XIRP2: variants seen among roughly 807,000 people sequenced by gnomAD.
XIRP2 encodes the protein xin actin binding repeat containing 2, also known as xin actin-binding repeat-containing protein 2.
Under a neutral mutation model 277.0 loss-of-function variants are expected in XIRP2, and 236 were observed. That is an observed-to-expected ratio of 0.85 (90% CI 0.77 to 0.95). The LOEUF is 0.95. XIRP2 is among the 40% of genes least tolerant of loss of function. The pLI, the probability that XIRP2 is intolerant of heterozygous loss-of-function variation, is 0.00. For synonymous variants in XIRP2, 1,490 were observed against 1,416.5 expected, an observed-to-expected ratio of 1.05 and a Z score of -1.17; for missense variants, 4,640 against 4,157.5, an observed-to-expected ratio of 1.12 and a Z score of -3.19.
chr2:167,010,218 C>A (rs575515982), intron 2 of XIRP2, among the ~76,000 whole-genome samples: 1 of 152,136 alleles, frequency 6.6e-6, no homozygotes, highest in Admixed American at 6.6e-5. Context: ...ACGTTAAAGT[C>A]TTTAATCCAT....
At chr2:167,007,990 C>A (rs1383323948) in intron 2 of XIRP2, among the ~76,000 whole-genome samples, 2 of 151,420 alleles carry the variant, frequency 1.3e-5, no homozygotes, top group Admixed American at 1.3e-4. Context: ...TAAGTATTCA[C>A]TTTGTGCCTA....
At chr2:167,128,515 A>G (rs1482353691) in intron 2 of XIRP2, among the ~76,000 whole-genome samples, 1 of 152,150 alleles carries the variant, frequency 6.6e-6, no homozygotes, top group Non-Finnish European at 1.5e-5. Flanking sequence ...AGGGCTCACT[A>G]TGAGACTTGA....
chr2:167,135,109 A>G lies in XIRP2; in HGVS notation c.409-800A>G, dbSNP rs189559059. On this transcript the variant is annotated intron_variant, in intron 2 of 10. Transcript: ENST00000409195. Reference sequence around the variant, plus strand: ...TGTAGCTGTTGAAAACATTTTCAACATATTACTTGACATATTTAAAACTAG... The same window carrying G: ...TGTAGCTGTTGAAAACATTTTCAACGTATTACTTGACATATTTAAAACTAG... Among the ~76,000 whole-genome samples, 765 of 152,282 alleles carry G rather than the reference A, an allele frequency of 5.0e-3. 4 individuals carry two copies. Among genetic ancestry groups the G allele is most frequent in the Non-Finnish European group, 8.8e-3 (598 of 68,010 alleles).
intron 2 of XIRP2, among the ~76,000 whole-genome samples, chr2:167,079,316 A>G (rs1312064186): frequency 2.0e-5 from 3 of 152,114 alleles, no homozygotes; most frequent in African/African-American, 7.2e-5. Flanking sequence ...TGTGTTTACC[A>G]TATTTTGGTA....
intron 2 of XIRP2, among the ~76,000 whole-genome samples, chr2:167,031,968 G>A (rs1477185004): frequency 1.3e-5 from 2 of 151,976 alleles, no homozygotes; most frequent in African/African-American, 4.8e-5. Context: ...AATTTCATAT[G>A]GAAACAAAAA....
intron 2 of XIRP2, among the ~76,000 whole-genome samples, chr2:167,083,720 T>A (rs1413332454): frequency 6.6e-6 from 1 of 152,220 alleles, no homozygotes; most frequent in Non-Finnish European, 1.5e-5. Context: ...TGAATGGCAG[T>A]TCACTCATGA....
intron 2 of XIRP2, among the ~76,000 whole-genome samples, chr2:167,001,519 T>G (rs1687370315): frequency 6.6e-6 from 1 of 152,144 alleles, no homozygotes; most frequent in South Asian, 2.1e-4. Flanking sequence ...TAAAATAAAC[T>G]ATGAAACCAG....
intron 3 of XIRP2, among the ~76,000 whole-genome samples, chr2:167,141,519 C>T (rs1433881151): frequency 6.6e-6 from 1 of 152,126 alleles, no homozygotes; most frequent in Non-Finnish European, 1.5e-5. Context: ...GGGAATGGTG[C>T]ATGATGGAAA....
intron 2 of XIRP2, among the ~76,000 whole-genome samples, chr2:166,921,107 A>G (rs1249525839): frequency 6.6e-6 from 1 of 151,932 alleles, no homozygotes; most frequent in African/African-American, 2.4e-5. Context: ...TTTGGGCTCA[A>G]GTTGCACCAC....
rs532383045 is a variant in XIRP2, at chr2:167,064,669, T to A, written c.409-71240T>A. Reference sequence around the variant, plus strand: ...ATTAAACAGCAACTCCCCTTTCCATTCTCCTTGTGCCTCTTGACAACCACC... The same window carrying A: ...ATTAAACAGCAACTCCCCTTTCCATACTCCTTGTGCCTCTTGACAACCACC... On this transcript the variant is annotated intron_variant, in intron 2 of 10. Transcript: ENST00000409195. Among the ~76,000 whole-genome samples the A allele has an allele frequency of 1.3e-3, 205 of 151,916 alleles. 2 individuals are homozygous for A. The highest frequency in any genetic ancestry group is 4.2e-3 in the African/African-American group (176 of 41,528).
chr2:166,970,585 A>AT (rs1036039544), intron 2 of XIRP2, among the ~76,000 whole-genome samples: 14 of 151,656 alleles, frequency 9.2e-5, no homozygotes, highest in African/African-American at 2.7e-4. Flanking sequence ...TCATTTCTAG[A>AT]TTTTTTTTAA....
chr2:166,952,200 A>C (rs898227859), intron 2 of XIRP2, among the ~76,000 whole-genome samples: 7 of 151,984 alleles, frequency 4.6e-5, no homozygotes, highest in Non-Finnish European at 1.0e-4. Flanking sequence ...GTTTGCTGGC[A>C]TGTGTGTCAC....
chr2:167,103,697 C>G (rs1002857467), intron 2 of XIRP2, among the ~76,000 whole-genome samples: 4 of 152,044 alleles, frequency 2.6e-5, no homozygotes, highest in Non-Finnish European at 5.9e-5. Flanking sequence ...GTAGTTATAC[C>G]TAAGGAAATA....
chr2:167,117,096 T>A (rs1460778130), intron 2 of XIRP2, among the ~76,000 whole-genome samples: 1 of 152,174 alleles, frequency 6.6e-6, no homozygotes, highest in African/African-American at 2.4e-5. Flanking sequence ...TGAGAAGAAC[T>A]GAACAATAGT....
chr2:167,040,602 G>A (rs556929077), intron 2 of XIRP2, among the ~76,000 whole-genome samples: 2 of 152,274 alleles, frequency 1.3e-5, no homozygotes, highest in South Asian at 4.1e-4. Context: ...ATGGAACACA[G>A]CCATGGGAAC....
At chr2:167,082,562 A>G (rs1230008863) in intron 2 of XIRP2, among the ~76,000 whole-genome samples, 1 of 152,162 alleles carries the variant, frequency 6.6e-6, no homozygotes, top group Non-Finnish European at 1.5e-5. Flanking sequence ...AGTCCCACCA[A>G]CAGTGTAAAA....
intron 2 of XIRP2, among the ~76,000 whole-genome samples, chr2:167,083,648 G>A (rs1689817410): frequency 2.0e-5 from 3 of 152,136 alleles, no homozygotes; most frequent in Non-Finnish European, 4.4e-5. Context: ...TCTCCTTGAA[G>A]AGATCCTTCA....
chr2:167,163,373 T>C (rs989311047), intron 3 of XIRP2, among the ~76,000 whole-genome samples: 3 of 152,198 alleles, frequency 2.0e-5, no homozygotes, highest in African/African-American at 4.8e-5. Flanking sequence ...TGGATATGAG[T>C]TGTATTCCCT....
Position 167,222,110 on chromosome 2 carries a change from A to G in XIRP2, c.858+3810A>G, listed in dbSNP as rs1255743415. On this transcript the variant is annotated intron_variant, in intron 5 of 10. Transcript: ENST00000409195. ...AGATTAAAGATCCCTTCTTTTGCTA[A>G]TGGATTAGACTGTTTTACATCTAAT... Among the ~76,000 whole-genome samples, 4 of 152,336 alleles carry G rather than the reference A, an allele frequency of 2.6e-5. No individual in the cohort carries two copies. The East Asian group carries it at 7.7e-4, about 29-fold the overall frequency.
Sources: allele counts gnomAD v4.1 joint callset (sites outside exome capture counted in the v4.1 genomes callset), GRCh38; gene constraint gnomAD v4.1.1; transcripts MANE v1.5; gene names NCBI Gene and HGNC (gene_info 2026-07-23, HGNC 2026-07-21).